Variants in RBM44 observed in about 807,000 individuals in gnomAD.
RBM44 encodes RNA binding motif protein 44.
Under a neutral mutation model 105.1 loss-of-function variants are expected in RBM44, and 66 were observed. The ratio of observed to expected loss-of-function variants is 0.63; its 90% CI spans 0.52 to 0.77. RBM44 has a LOEUF of 0.77. Among genes scored for constraint, RBM44 ranks in the 30% least tolerant of loss-of-function variants. The pLI is 0.00. For synonymous variants in RBM44, 365 were observed against 417.6 expected, an observed-to-expected ratio of 0.87 and a Z score of 1.54; for missense variants, 1,122 against 1,207.8, an observed-to-expected ratio of 0.93 and a Z score of 1.05.
At chr2:237,840,361 C>T (rs2062000457) in intron 15 of RBM44, among the ~76,000 whole-genome samples, 1 of 151,946 alleles carries the variant, frequency 6.6e-6, no homozygotes, top group African/African-American at 2.4e-5. Context: ...AACTGGTTAG[C>T]CATATGCAGA....
chr2:237,820,468 C>T, intron 5 of RBM44, 117 bp downstream of exon 5: 1 of 642,832 alleles, frequency 1.6e-6, no homozygotes, highest in Non-Finnish European at 2.6e-6. Flanking sequence ...TAGATTGTTA[C>T]TGGGTTTGTT....
chr2:237,829,185 C>T (rs1386473612), intron 12 of RBM44, 32 bp from the exon 13 acceptor site: 2 of 1,543,132 alleles, frequency 1.3e-6, no homozygotes, highest in Non-Finnish European at 1.8e-6. Flanking sequence ...AAGTCATTAA[C>T]AACCTTTTGG....
At position 237,803,897 on chromosome 2, in the gene RBM44, C is replaced by CT. The variant is rs924988323; in HGVS notation, c.-19+5044dup. Among the ~76,000 whole-genome samples the CT allele has an allele frequency of 1.2e-4, 16 of 134,440 alleles. No individual in the cohort carries two copies. Among genetic ancestry groups the CT allele is most frequent in the African/African-American group, 3.6e-4 (13 of 36,036 alleles). 88.2% of individuals were successfully genotyped at this position (134,440 alleles called of 152,430 possible). On this transcript the variant is annotated intron_variant, in intron 1 of 15. Coordinates refer to ENST00000316997, the MANE Select transcript of RBM44 (RefSeq NM_001080504.3). This position sits in a 1 kb window ranked among gnomAD's most constrained non-coding sequence, Gnocchi z 4.2. ...TATGCCTTAGACCTTTTTTTTTTTT[C>CT]TTTTTTTTGAGACAGAGTCTTGCTT...
intron 1 of RBM44, among the ~76,000 whole-genome samples, chr2:237,799,674 C>T (rs2061526159): frequency 6.6e-6 from 1 of 152,194 alleles, no homozygotes; most frequent in African/African-American, 2.4e-5. Flanking sequence ...AAGGCTAACA[C>T]AGAGCCCGGA....
chr2:237,799,886 T>C (rs2061528196), intron 1 of RBM44, among the ~76,000 whole-genome samples: 1 of 152,154 alleles, frequency 6.6e-6, no homozygotes, highest in Non-Finnish European at 1.5e-5. Context: ...AAGGGAGGTG[T>C]CAAGGGCGAG....
chr2:237,840,804 C>A (rs1052690788), intron 15 of RBM44, among the ~76,000 whole-genome samples: 2 of 152,118 alleles, frequency 1.3e-5, no homozygotes, highest in Non-Finnish European at 2.9e-5. Flanking sequence ...ACGTGGCCAA[C>A]AAGCATATGA....
chr2:237,834,499 TAAA>T, intron 15 of RBM44, 76 bp downstream of exon 15: 5 of 672,702 alleles, frequency 7.4e-6, no homozygotes, highest in Non-Finnish European at 1.2e-5. Context: ...TCTTTTTACA[TAAA>T]AAACATATTA....
intron 1 of RBM44, among the ~76,000 whole-genome samples, chr2:237,811,758 A>C (rs1292193136): frequency 6.6e-6 from 1 of 151,164 alleles, no homozygotes; most frequent in Non-Finnish European, 1.5e-5. Context: ...CATACATGGC[A>C]TTCTCAATTT....
rs1176732613 is a variant in RBM44, at chr2:237,829,334, A to G, written c.2718A>G (p.Glu906=). 6.2e-7 allele frequency: 1 copy of G among 1,613,518 alleles called. No individual in the cohort carries two copies. Among genetic ancestry groups the G allele is most frequent in the African/African-American group, 1.3e-5 (1 of 74,910 alleles). Residue 906 remains glutamate, a synonymous_variant, in exon 13 of 16, where the codon GAA becomes GAG. Coordinates refer to ENST00000316997, the MANE Select transcript of RBM44 (RefSeq NM_001080504.3). ...VNVWPVKILG[E]YTSPLSSKNG... ...TGTGGCCTGTTAAAATTCTTGGAGA[A>G]TATACATCACCACTTTCCTCCAAAA...
rs1429698196 is a variant in RBM44 at position 237,818,302 on chromosome 2, A to G, written c.1383A>G (p.Thr461=). The G allele has an allele frequency of 2.5e-6, 4 of 1,613,432 alleles. No individual in the cohort carries two copies. The South Asian group carries it at 4.4e-5, about 18-fold the overall frequency. Residue 461 remains threonine, a synonymous_variant, in exon 3 of 16, where the codon ACA becomes ACG. Transcript: ENST00000316997. This position sits in a 1 kb window ranked among gnomAD's most constrained non-coding sequence, Gnocchi z 4.6. ...TKSLTDAASC[T]VTINQTVDVS... is the part of the protein sequence containing the mutation. Reference sequence around the variant, plus strand: ...CATTGACAGATGCAGCAAGTTGTACAGTCACAATTAATCAGACAGTGGACG... The same window carrying G: ...CATTGACAGATGCAGCAAGTTGTACGGTCACAATTAATCAGACAGTGGACG...
intron 2 of RBM44, 131 bp downstream of exon 2, chr2:237,813,813 T>C: frequency 1.6e-6 from 1 of 609,970 alleles, no homozygotes; most frequent in Non-Finnish European, 3.0e-6. Flanking sequence ...CTCAGTATAT[T>C]TTTAACTTGC....
chr2:237,837,695 A>G (rs987520152), intron 15 of RBM44, among the ~76,000 whole-genome samples: 1 of 143,808 alleles, frequency 7.0e-6, no homozygotes, highest in African/African-American at 2.4e-5. Flanking sequence ...ATTTTTGTAG[A>G]GATGGGATCT....
In RBM44 at chr2:237,824,398, T is replaced by A; in HGVS notation, c.2428T>A (p.Trp810Arg). 6.2e-7 allele frequency: 1 copy of A among 1,612,408 alleles called. No individual in the cohort carries two copies. ...TQGNQVEQDT[W>R]NLDLTGEMKN... ...GGGAAATCAAGTAGAACAAGACACA[T>A]GGAATTTGGATCTTACAGGAGGTTG... is the stretch of plus-strand genomic sequence containing the variant. The change falls in exon 10 of 16, where the codon TGG becomes AGG. Residue 810 changes from tryptophan (W) to arginine (R), a missense_variant. Transcript: ENST00000316997.
chr2:237,839,706 G>C (rs1039344569), intron 15 of RBM44, among the ~76,000 whole-genome samples: 1 of 152,108 alleles, frequency 6.6e-6, no homozygotes, highest in Non-Finnish European at 1.5e-5. Flanking sequence ...AGAAAACGGT[G>C]GAAAACTTTT....
At chr2:237,822,015 A>G (rs943234766) in intron 8 of RBM44, among the ~76,000 whole-genome samples, 188 bp downstream of exon 8, 3 of 152,112 alleles carry the variant, frequency 2.0e-5, no homozygotes, top group South Asian at 2.1e-4. Flanking sequence ...ACAGATGTCA[A>G]CCGTATATGT....
At chr2:237,810,061 CTTTA>C (rs921049207) in intron 1 of RBM44, among the ~76,000 whole-genome samples, 6 of 152,286 alleles carry the variant, frequency 3.9e-5, no homozygotes, top group East Asian at 3.9e-4. Context: ...ATTTTTAATG[CTTTA>C]TTTAACACAG....
intron 1 of RBM44, among the ~76,000 whole-genome samples, chr2:237,805,404 C>T (rs970351831): frequency 6.6e-6 from 1 of 152,086 alleles, no homozygotes; most frequent in African/African-American, 2.4e-5. Flanking sequence ...TAAAAATGGC[C>T]ATACTCCCCA....
intron 1 of RBM44, among the ~76,000 whole-genome samples, chr2:237,809,947 T>TA (rs1442239620): frequency 6.6e-6 from 1 of 151,930 alleles, no homozygotes. Flanking sequence ...CAAAACAAAA[T>TA]AAAAAAACCT....
chr2:237,838,861 C>G (rs762846859), intron 15 of RBM44, among the ~76,000 whole-genome samples: 1 of 152,174 alleles, frequency 6.6e-6, no homozygotes, highest in Non-Finnish European at 1.5e-5. Context: ...AATTGTGACA[C>G]CTATAAAATG....
Sources: gnomAD v4.1 joint callset for allele counts (sites outside exome capture counted in the v4.1 genomes callset) on GRCh38, gnomAD v4.1.1 for gene constraint, Gnocchi (gnomAD v3.1) non-coding constraint, MANE v1.5 for transcripts, NCBI Gene and HGNC (gene_info 2026-07-23, HGNC 2026-07-21) for gene names.